Variants in ATP6V1C2 observed in about 807,000 individuals in gnomAD.
ATP6V1C2 encodes the protein ATPase H+ transporting V1 subunit C2, also known as V-type proton ATPase subunit C 2.
ATP6V1C2 carries 45 observed loss-of-function variants against 56.8 expected under a neutral mutation model. The observed-to-expected ratio is 0.79, with a 90% CI of 0.62 to 1.02. The LOEUF (loss-of-function observed/expected upper bound fraction) is 1.02, where lower values mean the gene tolerates loss of function less well. Ranked by LOEUF, ATP6V1C2 falls within the 50% of genes least tolerant of loss-of-function variation. ATP6V1C2 has a pLI of 0.00. For synonymous variants in ATP6V1C2, 220 were observed against 201.3 expected, an observed-to-expected ratio of 1.09 and a Z score of -0.79; for missense variants, 463 against 519.7, an observed-to-expected ratio of 0.89 and a Z score of 1.06.
rs138849728 is a variant in ATP6V1C2, at chr2:10,777,563, T to G, written c.826-22T>G. ...TGATGCATGTTTGCTGAAAGATTAA[T>G]AAATCATTTCTGTGCCTTTAGCAAA... On this transcript the variant is annotated intron_variant, in intron 10 of 13. Transcript: ENST00000272238. The G allele has an allele frequency of 5.1e-5, 82 of 1,601,220 alleles. No homozygotes were observed. In the African/African-American group the frequency reaches 1.0e-3, roughly 19 times the overall value.
At chr2:10,773,717 C>G (rs528456554) in intron 8 of ATP6V1C2, among the ~76,000 whole-genome samples, 14 of 152,286 alleles carry the variant, frequency 9.2e-5, no homozygotes, top group African/African-American at 3.4e-4. Flanking sequence ...TTTTGTATGG[C>G]CGAGAAGGTT....
chr2:10,721,404 G>A (rs1169861971), upstream of ATP6V1C2, among the ~76,000 whole-genome samples: 1 of 152,124 alleles, frequency 6.6e-6, no homozygotes, highest in Non-Finnish European at 1.5e-5. Context: ...GAGACCCCGT[G>A]GGACGCGCCG....
intron 4 of ATP6V1C2, among the ~76,000 whole-genome samples, chr2:10,762,895 G>A (rs12328451): frequency 0.037 from 5,655 of 151,994 alleles, 302 homozygotes; most frequent in African/African-American, 0.13. Context: ...TCCCTCCCAC[G>A]TTCCTGCTGG....
intron 12 of ATP6V1C2, among the ~76,000 whole-genome samples, chr2:10,779,704 A>C (rs1450941272): frequency 6.6e-6 from 1 of 150,576 alleles, no homozygotes; most frequent in East Asian, 2.0e-4. Context: ...AAAAAAAAAA[A>C]AAACTTCACT....
At chr2:10,752,352 T>C (rs1663268903) in intron 3 of ATP6V1C2, among the ~76,000 whole-genome samples, 1 of 152,168 alleles carries the variant, frequency 6.6e-6, no homozygotes, top group South Asian at 2.1e-4. Flanking sequence ...GCCTCTGGGC[T>C]CCGGTCTGAG....
At chr2:10,721,143 A>G (rs1661335825), upstream of ATP6V1C2, among the ~76,000 whole-genome samples, 1 of 152,042 alleles carries the variant, frequency 6.6e-6, no homozygotes, top group Non-Finnish European at 1.5e-5. Context: ...GTGCGTCCCG[A>G]GCACCTGCGC....
chr2:10,759,939 C>T (rs1421993364), intron 4 of ATP6V1C2, among the ~76,000 whole-genome samples: 1 of 151,714 alleles, frequency 6.6e-6, no homozygotes, highest in African/African-American at 2.4e-5. Context: ...GTTCCTACCA[C>T]TGCTTTACTG....
At chr2:10,756,666 C>T (rs537332851) in intron 4 of ATP6V1C2, among the ~76,000 whole-genome samples, 2 of 152,042 alleles carry the variant, frequency 1.3e-5, no homozygotes, top group Admixed American at 6.5e-5. Flanking sequence ...TGCAGTGAGC[C>T]GAGATCGCAC....
rs957812129 is a variant in ATP6V1C2, at chr2:10,780,488, G to A, written c.1062-1755G>A. On this transcript the variant is annotated intron_variant, in intron 12 of 13. Transcript: ENST00000272238. This position sits in a 1 kb window ranked among gnomAD's most constrained non-coding sequence, Gnocchi z 4.1. ...CTGCACATGCACCGCACCCACACCT[G>A]TACCCATGCGCACCTGTGCACGCCC... is the stretch of plus-strand genomic sequence containing the variant. Among the ~76,000 whole-genome samples, 1 of 152,138 alleles carries A rather than the reference G, an allele frequency of 6.6e-6. No individual in the cohort carries two copies. The highest frequency in any genetic ancestry group is 2.4e-5 in the African/African-American group (1 of 41,436).
At chr2:10,753,496 C>T (rs949515635) in intron 3 of ATP6V1C2, among the ~76,000 whole-genome samples, 1 of 151,860 alleles carries the variant, frequency 6.6e-6, no homozygotes, top group Non-Finnish European at 1.5e-5. Flanking sequence ...AAGATAGCTT[C>T]CCAGAAGTGG....
chr2:10,750,043 C>T (rs1663124219), intron 3 of ATP6V1C2, among the ~76,000 whole-genome samples: 1 of 152,202 alleles, frequency 6.6e-6, no homozygotes, highest in African/African-American at 2.4e-5. Context: ...GAAAAATTTT[C>T]TGATTAAGTA....
At chr2:10,778,960 C>A (rs1665170943) in intron 12 of ATP6V1C2, among the ~76,000 whole-genome samples, 1 of 152,212 alleles carries the variant, frequency 6.6e-6, no homozygotes, top group South Asian at 2.1e-4. Flanking sequence ...GGCTCCTGTC[C>A]CCACCCTCGT....
At chr2:10,732,640 A>T (rs1317259779) in intron 3 of ATP6V1C2, among the ~76,000 whole-genome samples, 1 of 152,114 alleles carries the variant, frequency 6.6e-6, no homozygotes, top group Non-Finnish European at 1.5e-5. Flanking sequence ...TACTTGTTGC[A>T]CAAGTTGCTT....
intron 10 of ATP6V1C2, among the ~76,000 whole-genome samples, chr2:10,775,425 G>A (rs1290679715): frequency 6.6e-6 from 1 of 152,218 alleles, no homozygotes; most frequent in Admixed American, 6.5e-5. Flanking sequence ...AGAGGACCCT[G>A]CCAGGCCTTC....
In ATP6V1C2 at chr2:10,784,559, A is replaced by G. The variant is rs1665611386; in HGVS notation, c.*1296A>G. Reference sequence around the variant, plus strand: ...ACTCACCATTTTAACACTGGAAGCCACTTGAACGTGTCCTTTTGAGGAGGG... The same window carrying G: ...ACTCACCATTTTAACACTGGAAGCCGCTTGAACGTGTCCTTTTGAGGAGGG... On this transcript the variant is annotated 3_prime_UTR_variant, in exon 14 of 14. Coordinates refer to ENST00000272238, the MANE Select transcript of ATP6V1C2 (RefSeq NM_001039362.2). 1 of 502,356 alleles carries G rather than the reference A, an allele frequency of 2.0e-6. No individual in the cohort carries two copies. Among genetic ancestry groups the G allele is most frequent in the Non-Finnish European group, 3.5e-6 (1 of 288,310 alleles). The allele number at this position is 502,356 out of a possible 1,614,324, so 31.1% of individuals were successfully genotyped here.
intron 3 of ATP6V1C2, among the ~76,000 whole-genome samples, chr2:10,741,904 TTCCTTCC>T (rs1159622628): frequency 6.8e-6 from 1 of 147,226 alleles, no homozygotes; most frequent in Non-Finnish European, 1.5e-5. Context: ...CCTTCCTTCC[TTCCTTCC>T]TTCCTTCCTT....
At position 10,763,296 on chromosome 2, in the gene ATP6V1C2, A is replaced by G. The variant is rs1359333573; in HGVS notation, c.284-1035A>G. On this transcript the variant is annotated intron_variant, in intron 4 of 13. Coordinates refer to ENST00000272238, the MANE Select transcript of ATP6V1C2 (RefSeq NM_001039362.2). This position sits in a 1 kb window ranked among gnomAD's most constrained non-coding sequence, Gnocchi z 4.2. ...TCCCCTTAGCCTCCACGTGAATACC[A>G]TGTCTGTGTCCCAGTGAAGGGACAC... Among the ~76,000 whole-genome samples, 2 of 151,952 alleles carry G rather than the reference A, an allele frequency of 1.3e-5. No individual in the cohort carries two copies. Among genetic ancestry groups the G allele is most frequent in the African/African-American group, 4.8e-5 (2 of 41,372 alleles).
rs144786981 is a variant in ATP6V1C2 at position 10,759,692 on chromosome 2, G to A, written c.284-4639G>A. Among the ~76,000 whole-genome samples, 541 of 152,276 alleles carry A rather than the reference G, an allele frequency of 3.6e-3. 3 individuals are homozygous for A. Among genetic ancestry groups the A allele is most frequent in the Non-Finnish European group, 5.6e-3 (380 of 68,034 alleles). On this transcript the variant is annotated intron_variant, in intron 4 of 13. Coordinates refer to ENST00000272238, the MANE Select transcript of ATP6V1C2 (RefSeq NM_001039362.2). ...TGTGGTGCTGTGAGTACAGAAGGCC[G>A]GAGGGGCTGGGCACGGTGGCTCACG...
At chr2:10,772,714 C>A in intron 8 of ATP6V1C2, 104 bp downstream of exon 8, 1 of 977,104 alleles carries the variant, frequency 1.0e-6, no homozygotes, top group East Asian at 2.4e-5. Context: ...GGCTCCCCAG[C>A]TTTCCACACC....
Sources: gnomAD v4.1 joint callset for allele counts (sites outside exome capture counted in the v4.1 genomes callset) on GRCh38, gnomAD v4.1.1 for gene constraint, Gnocchi (gnomAD v3.1) non-coding constraint, MANE v1.5 for transcripts, NCBI Gene and HGNC (gene_info 2026-07-23, HGNC 2026-07-21) for gene names.